The following TAB1 variants were observed in gnomAD, a reference collection of about 807,000 sequenced individuals.
TAB1 encodes TGF-beta-activated kinase 1 and MAP3K7-binding protein 1.
TAB1 carries 30 observed loss-of-function variants against 54.5 expected under a neutral mutation model. The observed-to-expected ratio is 0.55, with a 90% CI of 0.41 to 0.75. The LOEUF (loss-of-function observed/expected upper bound fraction) is 0.75. Ranked by LOEUF, TAB1 falls within the 30% of genes least tolerant of loss-of-function variation. The pLI is 0.00. For synonymous variants in TAB1, 289 were observed against 286.9 expected, an observed-to-expected ratio of 1.01 and a Z score of -0.07; for missense variants, 609 against 683.2, an observed-to-expected ratio of 0.89 and a Z score of 1.21.
rs1927590684 is a variant in TAB1 at position 39,431,624 on chromosome 22, G to C, written c.*1402G>C. 1.0e-6 allele frequency: 1 copy of C among 985,294 alleles called. No homozygotes were observed. 61.0% of individuals were successfully genotyped at this position (985,294 alleles called of 1,614,324 possible). On this transcript the variant is annotated 3_prime_UTR_variant, in exon 11 of 11. Transcript: ENST00000216160. ...AGAGCAGGGCCTGGTGTGGAACCAGGGAGCTGTGGGAAGCCACAGCAGAAA... is the reference window on the plus strand; with the variant it reads ...AGAGCAGGGCCTGGTGTGGAACCAGCGAGCTGTGGGAAGCCACAGCAGAAA...
intron 4 of TAB1, 138 bp from the exon 5 acceptor site, chr22:39,417,573 A>G: frequency 1.3e-6 from 1 of 794,074 alleles, no homozygotes; most frequent in Non-Finnish European, 1.8e-6. Context: ...GTGAGCCGAG[A>G]TCATGCCACT....
chr22:39,406,753 C>T (rs1457873829), intron 1 of TAB1, among the ~76,000 whole-genome samples: 1 of 152,108 alleles, frequency 6.6e-6, no homozygotes, highest in Non-Finnish European at 1.5e-5. Flanking sequence ...CTGCCTCCGC[C>T]TCTGGAGTAG....
Position 39,415,791 on chromosome 22 carries a change from C to G in TAB1, c.324+138C>G. On this transcript the variant is annotated intron_variant, in intron 3 of 10. Coordinates refer to ENST00000216160, the MANE Select transcript of TAB1 (RefSeq NM_006116.3). The surrounding 1 kb of genome is among the most constrained non-coding windows in gnomAD (Gnocchi z 4.9). ...CTTCACCCCAGTAGAGGAGCAGCTC[C>G]CAGCGTAGGCCCCCCCACCCAACAG... is the stretch of plus-strand genomic sequence containing the variant. 1.8e-6 allele frequency: 2 copies of G among 1,126,546 alleles called. No homozygotes were observed. The highest frequency in any genetic ancestry group is 2.5e-6 in the Non-Finnish European group (2 of 809,094). The allele number at this position is 1,126,546 out of a possible 1,614,324, so 69.8% of individuals were successfully genotyped here.
intron 1 of TAB1, among the ~76,000 whole-genome samples, chr22:39,412,521 A>C (rs1926652733): frequency 6.6e-6 from 1 of 152,158 alleles, no homozygotes; most frequent in South Asian, 2.1e-4. Context: ...GTTTTACTCC[A>C]TGTTAATGTA....
At chr22:39,421,014 G>C (rs1316422834) in intron 7 of TAB1, among the ~76,000 whole-genome samples, 3 of 151,472 alleles carry the variant, frequency 2.0e-5, no homozygotes, top group African/African-American at 7.3e-5. Context: ...GGTGTGTCCT[G>C]CCCCTCCCAG....
At position 39,418,757 on chromosome 22, in the gene TAB1, A is replaced by G. The variant is rs565970846; in HGVS notation, c.576A>G (p.Lys192=). The G allele has an allele frequency of 7.4e-6, 12 of 1,614,054 alleles. No individual in the cohort carries two copies. The East Asian group carries it at 2.2e-4, about 30-fold the overall frequency. ...GTACAAACCGTGCACTTTTATGCAA[A>G]TCGACAGTGGATGGGTTGCAGGTGA... The part of the protein sequence containing the change: ...NVGTNRALLC[K]STVDGLQVTQ... The change falls in exon 6 of 11, where the codon AAA becomes AAG. Residue 192 remains lysine (K), a synonymous_variant. Coordinates refer to ENST00000216160, the MANE Select transcript of TAB1 (RefSeq NM_006116.3).
At chr22:39,436,749 G>A, downstream of TAB1, 1 of 602,228 alleles carries the variant, frequency 1.7e-6, no homozygotes. Flanking sequence ...CCCTCACCTA[G>A]AATGGCCCAT....
At chr22:39,422,400 CTTTTTTTTTTTTTT>C (rs965591327) in intron 8 of TAB1, among the ~76,000 whole-genome samples, 1 of 88,522 alleles carries the variant, frequency 1.1e-5, no homozygotes, top group East Asian at 3.1e-4. Flanking sequence ...CTTCTCATTT[CTTTTTTTTTTTTTT>C]TTTTTTTTTT....
intron 1 of TAB1, among the ~76,000 whole-genome samples, chr22:39,414,494 G>T (rs1466437258): frequency 6.6e-6 from 1 of 152,200 alleles, no homozygotes; most frequent in Non-Finnish European, 1.5e-5. Flanking sequence ...GTTTCTCCAG[G>T]CTGGGTCTTA....
In TAB1 at chr22:39,418,818, G is replaced by A; in HGVS notation, c.637G>A (p.Asp213Asn). ...CGTGGACCACACCACAGAGAACGAG[G>A]ATGAGCTCTTCCGTCTTTCGCAGCT... The part of the protein sequence containing the change: ...LNVDHTTENE[D>N]ELFRLSQLGL... Residue 213 changes from aspartate (D) to asparagine (N), a missense_variant, in exon 6 of 11, where the codon GAT (aspartate) becomes AAT (asparagine). Asp to Asn is a conservative substitution (Grantham distance 23). Coordinates refer to ENST00000216160, the MANE Select transcript of TAB1 (RefSeq NM_006116.3). The A allele has an allele frequency of 6.2e-7, 1 of 1,614,166 alleles. No homozygotes were observed. Among genetic ancestry groups the A allele is most frequent in the Non-Finnish European group, 8.5e-7 (1 of 1,179,990 alleles).
At chr22:39,426,997 G>C (rs750552269) in intron 9 of TAB1, 72 bp downstream of exon 9, 30 of 1,459,882 alleles carry the variant, frequency 2.1e-5, no homozygotes, top group Non-Finnish European at 2.7e-5. Context: ...CAGAGCCCCC[G>C]AGGCTGCTTG....
chr22:39,435,102 A>G (rs971971970), downstream of TAB1, among the ~76,000 whole-genome samples: 1 of 152,164 alleles, frequency 6.6e-6, no homozygotes. Flanking sequence ...AGGATATGTC[A>G]TCGCCCTGCA....
chr22:39,406,397 CAAAAAA>C (rs11290078), intron 1 of TAB1, among the ~76,000 whole-genome samples: 1 of 73,768 alleles, frequency 1.4e-5, no homozygotes, highest in Non-Finnish European at 2.5e-5. Context: ...AGACTGTCAC[CAAAAAA>C]AAAAAAAAAA....
rs1406835796 is a variant in TAB1 at position 39,431,253 on chromosome 22, T to G, written c.*1031T>G. The G allele has an allele frequency of 1.0e-6, 1 of 985,112 alleles. No homozygotes were observed. Among genetic ancestry groups the G allele is most frequent in the Non-Finnish European group, 1.2e-6 (1 of 829,922 alleles). The allele number at this position is 985,112 out of a possible 1,614,324, so 61.0% of individuals were successfully genotyped here. On this transcript the variant is annotated 3_prime_UTR_variant, in exon 11 of 11. Coordinates refer to ENST00000216160, the MANE Select transcript of TAB1 (RefSeq NM_006116.3). ...GGGCCAGCCCAGCCCAGGGCCTGAG[T>G]TAGACTATTTCCCACATGTTCTCTG...
In TAB1 at chr22:39,431,449, C is replaced by T. The variant is rs1330790835; in HGVS notation, c.*1227C>T. The T allele has an allele frequency of 5.1e-6, 5 of 985,602 alleles. No homozygotes were observed. The South Asian group carries it at 1.4e-4, about 28-fold the overall frequency. 61.1% of individuals were successfully genotyped at this position (985,602 alleles called of 1,614,324 possible). ...TATCCAGGACCCCCCGGATTCTCCA[C>T]GCCCTCCCCATCTCCCAGTCTCCCT... On this transcript the variant is annotated 3_prime_UTR_variant, in exon 11 of 11. Coordinates refer to ENST00000216160, the MANE Select transcript of TAB1 (RefSeq NM_006116.3).
Position 39,430,028 on chromosome 22 carries a change from T to A in TAB1, c.1321T>A (p.Leu441Ile). The A allele has an allele frequency of 6.2e-7, 1 of 1,613,480 alleles. No homozygotes were observed. Among genetic ancestry groups the A allele is most frequent in the Non-Finnish European group, 8.5e-7 (1 of 1,180,034 alleles). The change falls in exon 11 of 11, where the codon TTA becomes ATA. Residue 441 changes from leucine to isoleucine, a missense_variant. Coordinates refer to ENST00000216160, the MANE Select transcript of TAB1 (RefSeq NM_006116.3). ...GTTGTCCTGCAGCCAAAGCCCGACC[T>A]TAACCCTGCAGTCCACCAACACGCA... is the stretch of plus-strand genomic sequence containing the variant. The part of the protein sequence containing the change: ...TPTLTNQSPT[L>I]TLQSTNTHTQ...
In TAB1 at chr22:39,428,718, C is replaced by G. The variant is rs532713784; in HGVS notation, c.1307+535C>G. Among the ~76,000 whole-genome samples, 4 of 152,348 alleles carry G rather than the reference C, an allele frequency of 2.6e-5. No individual in the cohort carries two copies. The East Asian group carries it at 7.7e-4, about 29-fold the overall frequency. On this transcript the variant is annotated intron_variant, in intron 10 of 10. Coordinates refer to ENST00000216160, the MANE Select transcript of TAB1 (RefSeq NM_006116.3). ...TTCACTTCCTTAGAATGTGCACTCC[C>G]CACACCAGGGGACCCAGATCTGGTT...
chr22:39,428,819 G>A (rs1034761699), intron 10 of TAB1, among the ~76,000 whole-genome samples: 3 of 152,252 alleles, frequency 2.0e-5, no homozygotes, highest in African/African-American at 7.2e-5. Context: ...CGCAGGATGT[G>A]GCCAATTAGA....
At chr22:39,405,626 G>C (rs1044874939) in intron 1 of TAB1, among the ~76,000 whole-genome samples, 2 of 152,158 alleles carry the variant, frequency 1.3e-5, no homozygotes, top group African/African-American at 4.8e-5. Flanking sequence ...GGGTGGAGGG[G>C]TGGGTGGTTT....
Sources: gnomAD v4.1 joint callset for allele counts (sites outside exome capture counted in the v4.1 genomes callset) on GRCh38, gnomAD v4.1.1 for gene constraint, Gnocchi (gnomAD v3.1) non-coding constraint, MANE v1.5 for transcripts, NCBI Gene and HGNC (gene_info 2026-07-23, HGNC 2026-07-21) for gene names.